COL22A1: variants seen among roughly 807,000 people sequenced by gnomAD.
COL22A1 encodes the protein collagen alpha-1(XXII) chain.
COL22A1 carries 221 observed loss-of-function variants against 248.9 expected under a neutral mutation model. The ratio of observed to expected loss-of-function variants is 0.89; its 90% confidence interval spans 0.80 to 0.99. COL22A1 has a LOEUF of 0.99. Among genes scored for constraint, COL22A1 ranks in the 50% least tolerant of loss-of-function variants. The pLI is 0.00. For synonymous variants in COL22A1, 891 were observed against 793.4 expected (o/e 1.12, Z -2.07); for missense variants, 2,240 against 2,179.0 (o/e 1.03, Z -0.56).
chr8:138,827,584 T>C (rs1165239541), intron 5 of COL22A1, among the ~76,000 whole-genome samples: 1 of 152,104 alleles, frequency 6.6e-6, no homozygotes, highest in Non-Finnish European at 1.5e-5. Flanking sequence ...CTGCCTGGCC[T>C]GTGGAGCCAG....
chr8:138,700,095 G>T lies in COL22A1; in HGVS notation c.2592+17C>A. 1 of 1,612,570 alleles carries T rather than the reference G, an allele frequency of 6.2e-7. No individual in the cohort carries two copies. Among genetic ancestry groups the T allele is most frequent in the Non-Finnish European group, 8.5e-7 (1 of 1,179,432 alleles). On this transcript the variant is annotated intron_variant, in intron 32 of 64. Coordinates refer to ENST00000303045, the MANE Select transcript of COL22A1 (RefSeq NM_152888.3). ...GCCGAGGCACACTGGGCACCCCGAG[G>T]CACCGCTACTACTTACGGGCATCCG...
rs1554744069 is a variant in COL22A1, at chr8:138,676,454, AAAGG to A, written c.3150+100_3150+103del. ...GAAAGAAAGAAAGAAAGAAAGAAAGAAAGGAAGAAAGAAAGAAAGAAAAGAGTGT... is the reference window on the plus strand; with the variant it reads ...GAAAGAAAGAAAGAAAGAAAGAAAGAAAGAAAGAAAGAAAGAAAAGAGTGT... On this transcript the variant is annotated intron_variant, in intron 41 of 64. Transcript: ENST00000303045. 3.5e-4 allele frequency: 145 copies of A among 415,990 alleles called. 1 individual carries two copies. Among genetic ancestry groups the A allele is most frequent in the African/African-American group, 2.7e-3 (119 of 43,706 alleles). The allele number at this position is 415,990 out of a possible 1,614,324, so 25.8% of individuals were successfully genotyped here. A position where few individuals can be genotyped will look rare whatever the true frequency, so the allele number is the denominator to read the frequency against.
Position 138,606,439 on chromosome 8 carries a change from C to T in COL22A1, c.4046G>A (p.Ser1349Asn). Residue 1349 changes from serine (S) to asparagine (N), a missense_variant, in exon 58 of 65, where the codon AGC (serine) becomes AAC (asparagine). Transcript: ENST00000303045. ...GPSGTPGQKG[S>N]KGENGSPGLP... ...TCCTGGGCTGCCATTTTCCCCTTTG[C>T]TTCCTTTCTGGCCCTGCAAAGAGAA... 6.2e-7 allele frequency: 1 copy of T among 1,613,788 alleles called. No homozygotes were observed. Among genetic ancestry groups the T allele is most frequent in the Non-Finnish European group, 8.5e-7 (1 of 1,179,938 alleles).
intron 63 of COL22A1, among the ~76,000 whole-genome samples, chr8:138,593,291 G>T (rs1039331906): frequency 1.3e-5 from 2 of 151,756 alleles, no homozygotes; most frequent in Admixed American, 6.6e-5. Context: ...CCTAGATGAC[G>T]GTTTGATAGG....
chr8:138,725,752 GACACACACACACACACACACAC>G (rs66497386), intron 23 of COL22A1, among the ~76,000 whole-genome samples: 1 of 148,578 alleles, frequency 6.7e-6, no homozygotes, highest in Non-Finnish European at 1.5e-5. Flanking sequence ...CACATGTGCA[GACACACACACACACACACACAC>G]ACACACACAC....
At chr8:138,665,121 G>A (rs1824381484) in intron 41 of COL22A1, among the ~76,000 whole-genome samples, 1 of 152,120 alleles carries the variant, frequency 6.6e-6, no homozygotes, top group South Asian at 2.1e-4. Flanking sequence ...AATAGAATAA[G>A]CATCATTTTA....
At chr8:138,755,752 C>G (rs550626397) in intron 19 of COL22A1, 33 bp downstream of exon 19, 2 of 1,611,634 alleles carry the variant, frequency 1.2e-6, no homozygotes, top group South Asian at 2.2e-5. Flanking sequence ...CCACCAGCAC[C>G]TGCATCCATG....
chr8:138,846,709 C>A (rs1821272353), intron 3 of COL22A1, among the ~76,000 whole-genome samples: 2 of 152,162 alleles, frequency 1.3e-5, no homozygotes. Flanking sequence ...AGCCATTCTG[C>A]ATTTCTTTTT....
intron 3 of COL22A1, among the ~76,000 whole-genome samples, chr8:138,854,699 C>T (rs142873944): frequency 6.5e-4 from 99 of 152,308 alleles, no homozygotes; most frequent in Middle Eastern, 3.4e-3. Context: ...CAATAAGAGG[C>T]CTTCTGCCCC....
chr8:138,862,680 T>C (rs975956385), intron 3 of COL22A1, among the ~76,000 whole-genome samples: 1 of 152,170 alleles, frequency 6.6e-6, no homozygotes, highest in Non-Finnish European at 1.5e-5. Context: ...GAAATGCAGA[T>C]ACTGTTTCCA....
intron 1 of COL22A1, among the ~76,000 whole-genome samples, chr8:138,891,479 C>G (rs553627810): frequency 2.0e-5 from 3 of 152,208 alleles, no homozygotes; most frequent in Non-Finnish European, 4.4e-5. Flanking sequence ...AAACCATTTA[C>G]GTACATTACA....
chr8:138,691,752 GTGTA>G (rs1826932404), intron 35 of COL22A1, among the ~76,000 whole-genome samples: 2 of 149,130 alleles, frequency 1.3e-5, no homozygotes, highest in East Asian at 2.0e-4. Context: ...TTGTGGAGGT[GTGTA>G]TATGTGTACA....
chr8:138,670,751 G>A (rs1435542235), intron 41 of COL22A1, among the ~76,000 whole-genome samples: 1 of 151,906 alleles, frequency 6.6e-6, no homozygotes, highest in Non-Finnish European at 1.5e-5. Context: ...CTTGGGCTCA[G>A]GAGTTTGAGA....
Position 138,826,649 on chromosome 8 carries a change from T to C in COL22A1, c.969+9A>G, listed in dbSNP as rs368879919. 4 of 1,613,464 alleles carry C rather than the reference T, an allele frequency of 2.5e-6. No individual in the cohort carries two copies. The highest frequency in any genetic ancestry group is 1.3e-5 in the African/African-American group (1 of 74,870). ...AGGACCACTGAGATAAGGCATCTGC[T>C]GCCCTTACCTGTGGGATGCTGTACT... On this transcript the variant is annotated intron_variant, in intron 6 of 64. Transcript: ENST00000303045.
At chr8:138,660,515 T>A in intron 43 of COL22A1, 35 bp from the exon 44 acceptor site, 2 of 1,603,548 alleles carry the variant, frequency 1.2e-6, no homozygotes, top group Non-Finnish European at 1.7e-6. Flanking sequence ...TTAACTGTGA[T>A]AAGCACACGA....
At chr8:138,723,798 G>A (rs1229176068) in intron 25 of COL22A1, among the ~76,000 whole-genome samples, 1 of 152,228 alleles carries the variant, frequency 6.6e-6, no homozygotes. Context: ...CAGAGCTGGG[G>A]AGGACGCTGG....
At chr8:138,694,700 G>A in intron 33 of COL22A1, 126 bp downstream of exon 33, 1 of 1,372,158 alleles carries the variant, frequency 7.3e-7, no homozygotes, top group Non-Finnish European at 1.0e-6. Flanking sequence ...AGAAGAAAGG[G>A]CTGCCTTCCA....
At chr8:138,806,052 A>AATGGTGTGTG in intron 10 of COL22A1, among the ~76,000 whole-genome samples, 1 of 2,058 alleles carries the variant, frequency 4.9e-4, no homozygotes, top group Admixed American at 5.4e-3. Context: ...TGGTGTAGGT[A>AATGGTGTGTG]ATGGTGTGTG....
At chr8:138,660,223 T>A (rs539172687) in intron 44 of COL22A1, among the ~76,000 whole-genome samples, 2 of 152,338 alleles carry the variant, frequency 1.3e-5, no homozygotes, top group East Asian at 3.9e-4. Flanking sequence ...CATTCTACTC[T>A]CCCTGGGCTT....
Sources: gnomAD v4.1 joint callset for allele counts (sites outside exome capture counted in the v4.1 genomes callset) on GRCh38, gnomAD v4.1.1 for gene constraint, MANE v1.5 for transcripts, NCBI Gene and HGNC (gene_info 2026-07-23, HGNC 2026-07-21) for gene names.